MMP16: variants seen among roughly 807,000 people sequenced by gnomAD.
The protein encoded by MMP16 is matrix metallopeptidase 16.
A neutral mutation model predicts 67.8 loss-of-function variants in MMP16; 12 were observed. That is an observed-to-expected ratio of 0.18 (90% CI 0.11 to 0.29). The LOEUF is 0.29. Ranked by LOEUF, MMP16 falls within the 10% of genes least tolerant of loss-of-function variation. MMP16 has a pLI of 1.00. For missense variants in MMP16, 475 were observed against 765.7 expected, an observed-to-expected ratio of 0.62 and a Z score of 4.48; for synonymous variants, 249 against 255.9, an observed-to-expected ratio of 0.97 and a Z score of 0.26.
intron 1 of MMP16, among the ~76,000 whole-genome samples, chr8:88,310,769 G>GC (rs1811282636): frequency 6.6e-6 from 1 of 152,010 alleles, no homozygotes; most frequent in South Asian, 2.1e-4. Flanking sequence ...TCGCCCATAT[G>GC]CCCCCAGGCA....
chr8:88,091,469 T>C (rs1399401043), intron 6 of MMP16, among the ~76,000 whole-genome samples: 1 of 151,734 alleles, frequency 6.6e-6, no homozygotes, highest in African/African-American at 2.4e-5. Flanking sequence ...TGTTGCACCA[T>C]TATCTCCTAA....
intron 3 of MMP16, among the ~76,000 whole-genome samples, chr8:88,183,487 T>C (rs919738430): frequency 2.6e-4 from 39 of 152,190 alleles, no homozygotes; most frequent in African/African-American, 1.2e-4. Flanking sequence ...ATTTATATAA[T>C]CTGAGACTAA....
intron 1 of MMP16, among the ~76,000 whole-genome samples, chr8:88,309,450 G>T (rs1012928004): frequency 6.6e-6 from 1 of 151,672 alleles, no homozygotes; most frequent in Non-Finnish European, 1.5e-5. Flanking sequence ...TAGGAGGGAG[G>T]GGGGGAACTG....
chr8:88,033,262 T>C lies in MMP16; in HGVS notation c.*8199A>G, dbSNP rs1808008711. On this transcript the variant is annotated 3_prime_UTR_variant, in exon 10 of 10. Coordinates refer to ENST00000286614, the MANE Select transcript of MMP16 (RefSeq NM_005941.5). ...GTATTTATTTGACAAACTAAGTTTA[T>C]GGGAGCTTTTTCTCCTTAATCTATC... 1 of 149,946 alleles carries C rather than the reference T, an allele frequency of 6.7e-6. No individual in the cohort carries two copies. The highest frequency in any genetic ancestry group is 2.1e-4 in the South Asian group (1 of 4,794). 9.3% of individuals were successfully genotyped at this position (149,946 alleles called of 1,614,324 possible).
chr8:88,160,782 G>T (rs886345957), intron 4 of MMP16, among the ~76,000 whole-genome samples: 1 of 151,910 alleles, frequency 6.6e-6, no homozygotes, highest in Non-Finnish European at 1.5e-5. Flanking sequence ...CCCATTACTG[G>T]GTATATACCC....
At chr8:88,323,057 G>C (rs1450200684) in intron 1 of MMP16, among the ~76,000 whole-genome samples, 1 of 152,146 alleles carries the variant, frequency 6.6e-6, no homozygotes, top group East Asian at 1.9e-4. Context: ...AGCCCCTGTT[G>C]TTGACCAGTT....
chr8:88,157,661 T>C (rs1329706817), intron 4 of MMP16, among the ~76,000 whole-genome samples: 1 of 151,836 alleles, frequency 6.6e-6, no homozygotes, highest in African/African-American at 2.4e-5. Flanking sequence ...TGGTTTCATC[T>C]GCTTCATTTT....
intron 1 of MMP16, among the ~76,000 whole-genome samples, chr8:88,315,345 C>G (rs1811360937): frequency 6.6e-6 from 1 of 151,948 alleles, no homozygotes; most frequent in Admixed American, 6.6e-5. Flanking sequence ...GGTTAGTGTT[C>G]TTTTTCTTTT....
chr8:88,292,445 C>T (rs1253243585), intron 1 of MMP16, among the ~76,000 whole-genome samples: 2 of 152,136 alleles, frequency 1.3e-5, no homozygotes, highest in Admixed American at 6.6e-5. Context: ...GGGGCCCTCG[C>T]CACTAGGTGC....
chr8:88,270,066 A>G (rs909019515), intron 1 of MMP16, among the ~76,000 whole-genome samples: 5 of 152,206 alleles, frequency 3.3e-5, no homozygotes, highest in Non-Finnish European at 4.4e-5. Context: ...AAGCACTTCA[A>G]CACTTTTGGA....
At chr8:88,121,813 T>C (rs1807839211) in intron 4 of MMP16, among the ~76,000 whole-genome samples, 1 of 152,066 alleles carries the variant, frequency 6.6e-6, no homozygotes, top group South Asian at 2.1e-4. Context: ...TAATGAATTA[T>C]TTGTCATTTC....
At chr8:88,079,807 C>A (rs983266549) in intron 6 of MMP16, among the ~76,000 whole-genome samples, 2 of 152,134 alleles carry the variant, frequency 1.3e-5, no homozygotes, top group African/African-American at 4.8e-5. Flanking sequence ...AGCTGCACTG[C>A]CCCCTCCACT....
chr8:88,226,417 G>A (rs754463053), intron 1 of MMP16, among the ~76,000 whole-genome samples: 10 of 151,986 alleles, frequency 6.6e-5, no homozygotes, highest in Non-Finnish European at 1.3e-4. Flanking sequence ...TACCAATTAA[G>A]ATATTTCTGG....
intron 1 of MMP16, among the ~76,000 whole-genome samples, chr8:88,288,000 T>C (rs941038095): frequency 1.3e-5 from 2 of 152,212 alleles, no homozygotes; most frequent in Non-Finnish European, 2.9e-5. Flanking sequence ...AAGATACTCA[T>C]ATATTTCAAA....
chr8:88,052,735 C>T (rs1017006035), intron 8 of MMP16, among the ~76,000 whole-genome samples: 8 of 152,192 alleles, frequency 5.3e-5, no homozygotes, highest in African/African-American at 1.9e-4. Flanking sequence ...AACTTCTTTC[C>T]TACATTATTG....
intron 6 of MMP16, among the ~76,000 whole-genome samples, chr8:88,107,935 C>T (rs1257827536): frequency 6.6e-6 from 1 of 150,874 alleles, no homozygotes; most frequent in Non-Finnish European, 1.5e-5. Flanking sequence ...CATATGATGT[C>T]AAATATAAAT....
At chr8:88,111,394 T>G (rs1333239334) in intron 6 of MMP16, among the ~76,000 whole-genome samples, 2 of 151,664 alleles carry the variant, frequency 1.3e-5, no homozygotes, top group East Asian at 3.9e-4. Context: ...CATACTGCAG[T>G]AGAAATCTGG....
intron 1 of MMP16, among the ~76,000 whole-genome samples, chr8:88,263,082 TG>T (rs1810416142): frequency 1.3e-5 from 2 of 151,482 alleles, no homozygotes; most frequent in Non-Finnish European, 2.9e-5. Flanking sequence ...TCAAAAGGAG[TG>T]TCGATACACC....
chr8:88,088,076 A>AT (rs1194542877), intron 6 of MMP16, among the ~76,000 whole-genome samples: 8 of 99,994 alleles, frequency 8.0e-5, no homozygotes, highest in African/African-American at 1.2e-4. Flanking sequence ...ATAGATATCT[A>AT]TATATCTATA....
Sources: allele counts gnomAD v4.1 joint callset (sites outside exome capture counted in the v4.1 genomes callset), GRCh38; gene constraint gnomAD v4.1.1; transcripts MANE v1.5; gene names NCBI Gene and HGNC (gene_info 2026-07-23, HGNC 2026-07-21).